HTN1: variants seen among roughly 807,000 people sequenced by gnomAD.
HTN1 encodes the protein histatin-1.
In HTN1, 18 loss-of-function variants were observed where a neutral mutation model predicts 11.2. That is an observed-to-expected ratio of 1.61 (90% CI 1.12 to 2.39). The LOEUF (loss-of-function observed/expected upper bound fraction) is 2.39. Ranked by LOEUF, HTN1 falls within the 30% of genes most tolerant of loss-of-function variation. The pLI, the probability that HTN1 is intolerant of heterozygous loss-of-function variation, is 0.00. For synonymous variants in HTN1, 21 were observed against 20.5 expected, an observed-to-expected ratio of 1.02 and a Z score of -0.07; for missense variants, 80 against 67.2, an observed-to-expected ratio of 1.19 and a Z score of -0.67.
intron 1 of HTN1, chr4:70,052,807 AGAAAG>A: frequency 3.4e-6 from 1 of 291,218 alleles, no homozygotes. Flanking sequence ...AAAAAAAAAA[AGAAAG>A]AAAAAATTCG....
chr4:70,051,492 A>G (rs924059563), intron 1 of HTN1, among the ~76,000 whole-genome samples: 2 of 152,118 alleles, frequency 1.3e-5, no homozygotes, highest in African/African-American at 4.8e-5. Flanking sequence ...CTATCAGTTT[A>G]TGTGTTAGTA....
chr4:70,055,640 C>CA (rs1224271782), intron 5 of HTN1, 38 bp downstream of exon 5: 1 of 913,252 alleles, frequency 1.1e-6, no homozygotes, highest in Non-Finnish European at 1.7e-6. Flanking sequence ...CTAGAAGTGT[C>CA]AACACTGACA....
intron 1 of HTN1, chr4:70,052,851 C>A: frequency 2.4e-6 from 1 of 421,898 alleles, no homozygotes; most frequent in East Asian, 3.5e-5. Context: ...ACTTGTAGTT[C>A]CAGCTACAAG....
chr4:70,054,292 A>C, intron 2 of HTN1, 30 bp from the exon 3 acceptor site: 1 of 1,286,558 alleles, frequency 7.8e-7, no homozygotes, highest in East Asian at 2.6e-5. Flanking sequence ...TTAAAATATT[A>C]ATTATTTTCT....
intron 5 of HTN1, chr4:70,056,289 AG>A (rs1409536154): frequency 6.6e-6 from 1 of 152,098 alleles, no homozygotes; most frequent in African/African-American, 2.4e-5. Context: ...TAATCAAGAA[AG>A]GATCTCCTAT....
rs752884585 is a variant in HTN1, at chr4:70,050,514, A to G, written c.-14+19A>G. 4 of 152,186 alleles carry G rather than the reference A, an allele frequency of 2.6e-5. No homozygotes were observed. The highest frequency in any genetic ancestry group is 5.9e-5 in the Non-Finnish European group (4 of 68,026). 9.4% of individuals were successfully genotyped at this position (152,186 alleles called of 1,614,324 possible). ...GTAAAAGGTAATATGTTCAAGTACA[A>G]TCTAATATTATATATTAGCATAAGC... is the stretch of plus-strand genomic sequence containing the variant. On this transcript the variant is annotated intron_variant, in intron 1 of 5. Coordinates refer to ENST00000246896, the MANE Select transcript of HTN1 (RefSeq NM_002159.4).
intron 1 of HTN1, 54 bp downstream of exon 1, chr4:70,050,549 C>CA (rs1207518776): frequency 6.6e-6 from 1 of 151,970 alleles, no homozygotes; most frequent in East Asian, 1.9e-4. Context: ...CTTTTGTTTG[C>CA]TAAAATCAAT....
chr4:70,053,461 A>G (rs984723060), intron 2 of HTN1, among the ~76,000 whole-genome samples: 1 of 152,180 alleles, frequency 6.6e-6, no homozygotes, highest in African/African-American at 2.4e-5. Context: ...TAGAAATCTG[A>G]GGAAAGAAAA....
intron 1 of HTN1, among the ~76,000 whole-genome samples, chr4:70,051,219 T>A (rs1725884486): frequency 6.6e-6 from 1 of 152,156 alleles, no homozygotes; most frequent in Non-Finnish European, 1.5e-5. Context: ...TTTTTAAAAA[T>A]TTACTTTCTT....
At chr4:70,056,331 C>T (rs1018163228) in intron 5 of HTN1, 7 of 151,910 alleles carry the variant, frequency 4.6e-5, no homozygotes, top group African/African-American at 1.7e-4. Flanking sequence ...AACTGGGTAG[C>T]CATATGCAGA....
At chr4:70,058,445 C>G (rs141585730) in intron 5 of HTN1, 135 bp from the exon 6 acceptor site, 16 of 152,142 alleles carry the variant, frequency 1.1e-4, no homozygotes, top group African/African-American at 1.2e-4. Context: ...TACTCTATAT[C>G]AAATAGTATT....
At chr4:70,057,244 G>A (rs1420770788) in intron 5 of HTN1, 2 of 152,220 alleles carry the variant, frequency 1.3e-5, no homozygotes, top group Non-Finnish European at 2.9e-5. Context: ...CAGGGACATG[G>A]ATGAAGCTGG....
At chr4:70,057,081 GC>G (rs1190349144) in intron 5 of HTN1, 1 of 152,250 alleles carries the variant, frequency 6.6e-6, no homozygotes, top group East Asian at 1.9e-4. Context: ...AAAGACATAT[GC>G]CTACATATGT....
intron 5 of HTN1, chr4:70,055,898 T>C (rs1395370794): frequency 5.1e-6 from 1 of 194,914 alleles, no homozygotes; most frequent in Non-Finnish European, 1.0e-5. Context: ...GCTTTGTTCT[T>C]TTGCTTACAA....
intron 4 of HTN1, 35 bp downstream of exon 4, chr4:70,054,485 A>C: frequency 7.4e-7 from 1 of 1,346,206 alleles, no homozygotes; most frequent in Admixed American, 1.9e-5. Context: ...ACTCTAAATA[A>C]ATTTTCCTCT....
chr4:70,055,539 C>G lies in HTN1; in HGVS notation c.144C>G (p.Asp48Glu). Residue 48 changes from aspartate (D) to glutamate (E), a missense_variant, in exon 5 of 6, where the codon GAC becomes GAG. By Grantham distance (45) the Asp-to-Glu change is conservative. Coordinates refer to ENST00000246896, the MANE Select transcript of HTN1 (RefSeq NM_002159.4). ...ATCGAGAATTTCCATTTTATGGGGACTATGGATCAAATTATCTATATGACA... is the reference window on the plus strand; with the variant it reads ...ATCGAGAATTTCCATTTTATGGGGAGTATGGATCAAATTATCTATATGACA... ...HSHREFPFYG[D>E]YGSNYLYDN is the part of the protein sequence containing the mutation. 1 of 1,597,770 alleles carries G rather than the reference C, an allele frequency of 6.3e-7. No individual in the cohort carries two copies. Among genetic ancestry groups the G allele is most frequent in the Non-Finnish European group, 8.6e-7 (1 of 1,166,132 alleles).
chr4:70,052,806 AAG>A, intron 1 of HTN1: 2 of 296,664 alleles, frequency 6.7e-6, no homozygotes, highest in South Asian at 8.0e-5. Flanking sequence ...AAAAAAAAAA[AAG>A]AAAGAAAAAA....
chr4:70,053,316 T>A (rs1347705766), intron 2 of HTN1, among the ~76,000 whole-genome samples, 189 bp downstream of exon 2: 1 of 152,180 alleles, frequency 6.6e-6, no homozygotes, highest in South Asian at 2.1e-4. Context: ...TAGATATTCA[T>A]CACATACCTA....
intron 4 of HTN1, 73 bp downstream of exon 4, chr4:70,054,523 A>G: frequency 1.1e-6 from 1 of 950,954 alleles, no homozygotes; most frequent in South Asian, 1.5e-5. Flanking sequence ...TAGAAGAATC[A>G]ATAGTTGTCT....
Sources: gnomAD v4.1 joint callset for allele counts (sites outside exome capture counted in the v4.1 genomes callset) on GRCh38, gnomAD v4.1.1 for gene constraint, MANE v1.5 for transcripts, NCBI Gene and HGNC (gene_info 2026-07-23, HGNC 2026-07-21) for gene names.